STPG2: variants seen among roughly 807,000 people sequenced by gnomAD.
STPG2 encodes sperm-tail PG-rich repeat-containing protein 2.
In STPG2, 56 loss-of-function variants were observed where a neutral mutation model predicts 54.2. That is an observed-to-expected ratio of 1.03 (90% CI 0.83 to 1.29). The LOEUF is 1.29. Ranked by LOEUF, STPG2 falls within the 50% of genes most tolerant of loss-of-function variation. STPG2 has a pLI of 0.00. For missense variants in STPG2, 596 were observed against 544.9 expected (o/e 1.09, Z -0.93); for synonymous variants, 200 against 181.8 (o/e 1.10, Z -0.81).
intron 10 of STPG2, among the ~76,000 whole-genome samples, chr4:97,563,056 T>G (rs1262843135): frequency 6.6e-6 from 1 of 152,164 alleles, no homozygotes; most frequent in African/African-American, 2.4e-5. Context: ...AATTCGGCTG[T>G]GAATCCATCT....
chr4:98,009,311 T>G (rs11947578), intron 5 of STPG2, among the ~76,000 whole-genome samples: 59,725 of 151,720 alleles, frequency 0.39, 11,977 homozygotes, highest in Middle Eastern at 0.46. Context: ...GATATCTTTT[T>G]ATTTCCCTTT....
At chr4:98,017,630 C>T (rs7672901) in intron 5 of STPG2, among the ~76,000 whole-genome samples, 59,991 of 151,980 alleles carry the variant, frequency 0.39, 12,072 homozygotes, top group Middle Eastern at 0.46. Flanking sequence ...GAAACCTTAG[C>T]GCTTGTGAAC....
At chr4:97,697,057 A>C (rs1723599528) in intron 10 of STPG2, among the ~76,000 whole-genome samples, 1 of 152,184 alleles carries the variant, frequency 6.6e-6, no homozygotes, top group Admixed American at 6.5e-5. Context: ...GTTTAGCTTG[A>C]ATTGCACCTC....
chr4:97,575,070 C>T lies in STPG2; in HGVS notation c.1321-15953G>A, dbSNP rs367684773. 2.0e-5 allele frequency among the ~76,000 whole-genome samples: 3 copies of T among 151,804 alleles called. No homozygotes were observed. In the South Asian group the frequency reaches 6.2e-4, roughly 31 times the overall value. ...ATTAATTTTTGGAAACACACAAGCT[C>T]CCCAGATTGAATCACGAAGAAATCA... is the stretch of plus-strand genomic sequence containing the variant. On this transcript the variant is annotated intron_variant, in intron 10 of 10. Transcript: ENST00000295268.
intron 10 of STPG2, chr4:97,633,457 T>A (rs1721368795): frequency 6.6e-6 from 1 of 152,076 alleles, no homozygotes; most frequent in Non-Finnish European, 1.5e-5. Flanking sequence ...TAAAAAGATA[T>A]TTAAAATAAA....
intron 5 of STPG2, among the ~76,000 whole-genome samples, chr4:98,013,524 C>T (rs561488393): frequency 2.0e-5 from 3 of 150,078 alleles, no homozygotes; most frequent in African/African-American, 7.3e-5. Flanking sequence ...AGGAATAGTA[C>T]CAGCTCCTCT....
At chr4:97,874,780 G>A (rs1170833820) in intron 8 of STPG2, among the ~76,000 whole-genome samples, 1 of 151,406 alleles carries the variant, frequency 6.6e-6, no homozygotes, top group African/African-American at 2.4e-5. Flanking sequence ...TTCGAAATGG[G>A]GCCTTTAAAA....
At chr4:98,001,976 C>T (rs986983796) in intron 5 of STPG2, among the ~76,000 whole-genome samples, 20 of 151,970 alleles carry the variant, frequency 1.3e-4, no homozygotes, top group South Asian at 4.1e-4. Context: ...TATTCTTCTA[C>T]GTGGATGACA....
At chr4:97,777,711 G>A (rs1044164506) in intron 9 of STPG2, among the ~76,000 whole-genome samples, 1 of 152,166 alleles carries the variant, frequency 6.6e-6, no homozygotes, top group Non-Finnish European at 1.5e-5. Flanking sequence ...GATAAATTCA[G>A]TTAACTTCTC....
chr4:98,070,306 A>G (rs1737961053), intron 5 of STPG2, among the ~76,000 whole-genome samples: 1 of 152,106 alleles, frequency 6.6e-6, no homozygotes, highest in African/African-American at 2.4e-5. Context: ...GGCCTTCAAT[A>G]AAATTCAACA....
chr4:97,904,391 G>A (rs529371211), intron 8 of STPG2, among the ~76,000 whole-genome samples: 1 of 152,288 alleles, frequency 6.6e-6, no homozygotes, highest in African/African-American at 2.4e-5. Flanking sequence ...GCAGCTGAGG[G>A]TCCTGTCTGT....
intron 4 of STPG2, among the ~76,000 whole-genome samples, chr4:97,497,934 G>A: frequency 6.6e-6 from 1 of 151,732 alleles, no homozygotes; most frequent in East Asian, 1.9e-4. Flanking sequence ...TACTAAGGCT[G>A]AGGCTTAACA....
At chr4:97,457,883 C>A (rs750122228) in intron 4 of STPG2, among the ~76,000 whole-genome samples, 2 of 152,024 alleles carry the variant, frequency 1.3e-5, no homozygotes. Flanking sequence ...GCTTAAATAA[C>A]CATGATGAAG....
intron 10 of STPG2, among the ~76,000 whole-genome samples, chr4:97,710,764 G>A (rs560186488): frequency 2.6e-5 from 4 of 151,834 alleles, no homozygotes; most frequent in African/African-American, 7.2e-5. Context: ...CTTTAAAGAA[G>A]GAAAATTATG....
At chr4:97,878,007 C>T (rs1469696505) in intron 8 of STPG2, among the ~76,000 whole-genome samples, 1 of 152,182 alleles carries the variant, frequency 6.6e-6, no homozygotes, top group Non-Finnish European at 1.5e-5. Context: ...AACAAAGAGG[C>T]TGCAGGCCCC....
chr4:97,837,181 G>A (rs1346531322), intron 9 of STPG2, among the ~76,000 whole-genome samples: 1 of 151,440 alleles, frequency 6.6e-6, no homozygotes, highest in Non-Finnish European at 1.5e-5. Flanking sequence ...CTTTTTTAAT[G>A]AAGTCCTTGA....
chr4:98,014,928 C>T (rs934290013), intron 5 of STPG2, among the ~76,000 whole-genome samples: 80 of 152,088 alleles, frequency 5.3e-4, no homozygotes, highest in Non-Finnish European at 2.9e-4. Flanking sequence ...AATATATCAT[C>T]CCACTGTCTC....
chr4:97,694,574 C>T (rs554446822), intron 10 of STPG2, among the ~76,000 whole-genome samples: 12 of 151,672 alleles, frequency 7.9e-5, no homozygotes, highest in Admixed American at 1.3e-4. Flanking sequence ...TTTGGGAGGC[C>T]GAGGCGGGTG....
intron 9 of STPG2, among the ~76,000 whole-genome samples, chr4:97,785,674 C>A (rs1726800875): frequency 6.6e-6 from 1 of 151,856 alleles, no homozygotes; most frequent in Non-Finnish European, 1.5e-5. Context: ...AAATAAAACA[C>A]AAGAACAAAA....
Sources: allele counts gnomAD v4.1 joint callset (sites outside exome capture counted in the v4.1 genomes callset), GRCh38; gene constraint gnomAD v4.1.1; transcripts MANE v1.5; gene names NCBI Gene and HGNC (gene_info 2026-07-23, HGNC 2026-07-21).